Variants in ARHGEF28 observed in about 807,000 individuals in gnomAD.
ARHGEF28 encodes the protein Rho guanine nucleotide exchange factor 28.
ARHGEF28 carries 152 observed loss-of-function variants against 206.6 expected under a neutral mutation model. The ratio of observed to expected loss-of-function variants is 0.74; its 90% CI spans 0.64 to 0.84. ARHGEF28 has a LOEUF of 0.84. Ranked by LOEUF, ARHGEF28 falls within the 40% of genes least tolerant of loss-of-function variation. ARHGEF28 has a pLI of 0.00. For synonymous variants in ARHGEF28, 763 were observed against 776.4 expected (o/e 0.98, Z 0.29); for missense variants, 2,028 against 2,073.2 (o/e 0.98, Z 0.42).
At chr5:73,629,203 A>G (rs1003219795) in intron 1 of ARHGEF28, among the ~76,000 whole-genome samples, 3 of 151,968 alleles carry the variant, frequency 2.0e-5, no homozygotes, top group African/African-American at 7.3e-5. Context: ...ACATTAAGAC[A>G]TTTGGCTGGC....
At chr5:73,827,390 A>G (rs1756980149) in intron 9 of ARHGEF28, among the ~76,000 whole-genome samples, 1 of 152,226 alleles carries the variant, frequency 6.6e-6, no homozygotes, top group Non-Finnish European at 1.5e-5. Flanking sequence ...AACCTCATTT[A>G]CTTTTTAAAT....
At chr5:73,833,837 C>A (rs1561440304) in intron 10 of ARHGEF28, among the ~76,000 whole-genome samples, 1 of 152,120 alleles carries the variant, frequency 6.6e-6, no homozygotes, top group Non-Finnish European at 1.5e-5. Context: ...CCTTATAAAA[C>A]CATCAAATCT....
intron 9 of ARHGEF28, among the ~76,000 whole-genome samples, chr5:73,807,259 A>G (rs1184948227): frequency 1.3e-5 from 2 of 152,076 alleles, no homozygotes; most frequent in African/African-American, 4.8e-5. Flanking sequence ...TGTGTTGCCT[A>G]TGCAAGATAA....
intron 1 of ARHGEF28, among the ~76,000 whole-genome samples, chr5:73,638,206 G>A (rs1047681337): frequency 2.4e-4 from 37 of 152,234 alleles, no homozygotes; most frequent in Admixed American, 2.1e-3. Context: ...ATTTACTGTA[G>A]CTATTTGGTG....
chr5:73,659,808 A>G (rs1348937169), intron 1 of ARHGEF28, among the ~76,000 whole-genome samples: 1 of 152,222 alleles, frequency 6.6e-6, no homozygotes, highest in African/African-American at 2.4e-5. Flanking sequence ...TAGGAATACA[A>G]TAGCACTATG....
chr5:73,827,967 C>T (rs1050004171), intron 9 of ARHGEF28: 26 of 151,966 alleles, frequency 1.7e-4, no homozygotes, highest in Admixed American at 1.4e-3. Context: ...AATCATATTT[C>T]TTGAAAATAT....
chr5:73,883,765 AGCTCCGAAATAGTAATCTTTTG>A lies in ARHGEF28; in HGVS notation c.2941_2962del (p.Arg981AspfsTer46). 6.5e-7 allele frequency: 1 copy of A among 1,533,956 alleles called. No homozygotes were observed. The highest frequency in any genetic ancestry group is 8.8e-7 in the Non-Finnish European group (1 of 1,137,130). ...TGTACATAAAAGTATATATTTTTTAAGCTCCGAAATAGTAATCTTTTGGCTCGACGCCGAGGAATTCCAGAAT... is the reference window on the plus strand; with the variant it reads ...TGTACATAAAAGTATATATTTTTTAAGCTCGACGCCGAGGAATTCCAGAAT... On this transcript the variant is annotated splice_acceptor_variant and coding_sequence_variant, in exon 24 of 36. Coordinates refer to ENST00000513042, the MANE Select transcript of ARHGEF28 (RefSeq NM_001177693.2). LOFTEE classifies it high-confidence loss of function.
At chr5:73,820,595 A>C (rs1282042905) in intron 9 of ARHGEF28, among the ~76,000 whole-genome samples, 6 of 151,984 alleles carry the variant, frequency 3.9e-5, no homozygotes, top group Non-Finnish European at 4.4e-5. Flanking sequence ...TTCTGGCTTC[A>C]CCCTGACTTG....
chr5:73,798,274 G>T (rs1238553078), intron 9 of ARHGEF28, among the ~76,000 whole-genome samples: 1 of 152,116 alleles, frequency 6.6e-6, no homozygotes, highest in East Asian at 1.9e-4. Flanking sequence ...TACAGATTAG[G>T]TTGAGTATAG....
intron 35 of ARHGEF28, among the ~76,000 whole-genome samples, chr5:73,919,403 T>C (rs1763395597): frequency 6.6e-6 from 1 of 152,222 alleles, no homozygotes; most frequent in Non-Finnish European, 1.5e-5. Context: ...GAAGCTCTGA[T>C]AGCACAGCGT....
At chr5:73,918,338 G>T (rs1320195700) in intron 35 of ARHGEF28, among the ~76,000 whole-genome samples, 2 of 152,170 alleles carry the variant, frequency 1.3e-5, no homozygotes, top group African/African-American at 4.8e-5. Context: ...CTAAAAACAG[G>T]TGGCTGTAGT....
chr5:73,777,292 C>T (rs1039124816), intron 6 of ARHGEF28, among the ~76,000 whole-genome samples: 3 of 151,726 alleles, frequency 2.0e-5, no homozygotes, highest in Middle Eastern at 6.8e-3. Context: ...AAGAATATTT[C>T]CATCTTTTAA....
intron 12 of ARHGEF28, among the ~76,000 whole-genome samples, chr5:73,846,721 T>C (rs1758393026): frequency 6.6e-6 from 1 of 152,190 alleles, no homozygotes; most frequent in Non-Finnish European, 1.5e-5. Flanking sequence ...ATACCATCTT[T>C]CTTTCACATA....
chr5:73,712,457 G>A (rs778016853), intron 2 of ARHGEF28, among the ~76,000 whole-genome samples: 9 of 152,150 alleles, frequency 5.9e-5, no homozygotes, highest in Non-Finnish European at 1.2e-4. Context: ...TCTGCCTCTT[G>A]GTAGAGTGCA....
chr5:73,852,836 A>T lies in ARHGEF28; in HGVS notation c.1790+144A>T, dbSNP rs6873018. On this transcript the variant is annotated intron_variant, in intron 14 of 35. Coordinates refer to ENST00000513042, the MANE Select transcript of ARHGEF28 (RefSeq NM_001177693.2). ...CCTAAGACCCTTTGCTCCCTCTGGGATCTGTATCAGGATAGATCTGCCAGC... is the reference window on the plus strand; with the variant it reads ...CCTAAGACCCTTTGCTCCCTCTGGGTTCTGTATCAGGATAGATCTGCCAGC... 5.9e-3 allele frequency: 5,074 copies of T among 863,602 alleles called. 127 individuals are homozygous for T. The highest frequency in any genetic ancestry group is 0.058 in the African/African-American group (3,514 of 60,306). 53.5% of individuals were successfully genotyped at this position (863,602 alleles called of 1,614,324 possible).
At chr5:73,929,483 A>T (rs1340196385) in intron 35 of ARHGEF28, among the ~76,000 whole-genome samples, 5 of 133,714 alleles carry the variant, frequency 3.7e-5, no homozygotes, top group Admixed American at 7.8e-5. Flanking sequence ...CACAAATGTT[A>T]TGTGTGTGTA....
intron 13 of ARHGEF28, 27 bp downstream of exon 13, chr5:73,849,114 G>C (rs919877022): frequency 2.8e-6 from 4 of 1,441,936 alleles, no homozygotes; most frequent in Admixed American, 4.0e-5. Context: ...ATTTGGCTTT[G>C]AAAACACTCT....
At chr5:73,715,038 T>C (rs1439391683) in intron 2 of ARHGEF28, among the ~76,000 whole-genome samples, 1 of 152,262 alleles carries the variant, frequency 6.6e-6, no homozygotes, top group Non-Finnish European at 1.5e-5. Flanking sequence ...AAGTGAATGC[T>C]AATTCATGAG....
At chr5:73,749,004 C>T (rs868134847) in intron 2 of ARHGEF28, among the ~76,000 whole-genome samples, 1 of 152,214 alleles carries the variant, frequency 6.6e-6, no homozygotes, top group African/African-American at 2.4e-5. Flanking sequence ...TGCTGCCCCA[C>T]TTCCTTTGAC....
Sources: gnomAD v4.1 joint callset for allele counts (sites outside exome capture counted in the v4.1 genomes callset) on GRCh38, gnomAD v4.1.1 for gene constraint, MANE v1.5 for transcripts, NCBI Gene and HGNC (gene_info 2026-07-23, HGNC 2026-07-21) for gene names.